Variants in DMXL1 observed in about 807,000 individuals in gnomAD.
DMXL1 encodes the protein Dmx like 1.
A neutral mutation model predicts 319.2 loss-of-function variants in DMXL1; 99 were observed. That is an observed-to-expected ratio of 0.31 (90% confidence interval 0.26 to 0.37). DMXL1 has a LOEUF of 0.37. DMXL1 is among the 10% of genes least tolerant of loss of function. The pLI is 1.00. For synonymous variants in DMXL1, 1,385 were observed against 1,235.2 expected, an observed-to-expected ratio of 1.12 and a Z score of -2.54; for missense variants, 3,745 against 3,595.6, an observed-to-expected ratio of 1.04 and a Z score of -1.06.
rs1217301767 is a variant in DMXL1 at position 119,170,249 on chromosome 5, C to T, written c.5458C>T (p.His1820Tyr). The T allele has an allele frequency of 6.2e-7, 1 of 1,613,106 alleles. No homozygotes were observed. The highest frequency in any genetic ancestry group is 1.7e-5 in the Admixed American group (1 of 59,908). ...TAATTTCTACAATTATCTAAGAACACATCCTCTTTTGCTGAGACGTCATTT... is the reference window on the plus strand; with the variant it reads ...TAATTTCTACAATTATCTAAGAACATATCCTCTTTTGCTGAGACGTCATTT... ...VFNFYNYLRTHPLLLRRHFGS... is the reference protein window; with the variant it reads ...VFNFYNYLRTYPLLLRRHFGS... Residue 1820 changes from histidine to tyrosine, a missense_variant, in exon 24 of 44, where the codon CAT becomes TAT. Transcript: ENST00000539542.
Position 119,134,134 on chromosome 5 carries a change from C to G in DMXL1, c.2210C>G (p.Ser737Cys), listed in dbSNP as rs1193279321. The G allele has an allele frequency of 1.2e-6, 2 of 1,613,832 alleles. No individual in the cohort carries two copies. The highest frequency in any genetic ancestry group is 2.7e-5 in the African/African-American group (2 of 74,906). The change falls in exon 12 of 44, where the codon TCC (serine) becomes TGC (cysteine). Residue 737 changes from serine to cysteine, a missense_variant. Ser to Cys is a moderately radical substitution (Grantham distance 112). This residue lies in a region of DMXL1 where 2,096 missense variants were observed against 1,985.4 expected (regional missense o/e 1.06). Transcript: ENST00000539542. ...AATTCTCTTCATGTTTCTGCCTTTT[C>G]CAATGTGGCATGGCTGCCCACTCTT... is the stretch of plus-strand genomic sequence containing the variant. ...RINSLHVSAFSNVAWLPTLIP... is the reference protein window; with the variant it reads ...RINSLHVSAFCNVAWLPTLIP...
Position 119,210,757 on chromosome 5 carries a change from G to GTTTTTTTTTT in DMXL1, c.7926+3871_7926+3880dup. Among the ~76,000 whole-genome samples the GTTTTTTTTTT allele has an allele frequency of 4.5e-5, 4 of 89,778 alleles. 1 individual carries two copies. The highest frequency in any genetic ancestry group is 8.2e-5 in the African/African-American group (2 of 24,424). The allele number at this position is 89,778 out of a possible 152,430, so 58.9% of individuals were successfully genotyped here. A position where few individuals can be genotyped will look rare whatever the true frequency, so the allele number is the denominator to read the frequency against. On this transcript the variant is annotated intron_variant, in intron 34 of 43. Coordinates refer to ENST00000539542, the MANE Select transcript of DMXL1 (RefSeq NM_001290321.3). ...TAAGTTCTTTTTTCTTTTTTCTTTCGTTTTTTTTTTTTTTTTTTTGCCTTA... is the reference window on the plus strand; with the variant it reads ...TAAGTTCTTTTTTCTTTTTTCTTTCGTTTTTTTTTTTTTTTTTTTTTTTTTTTTTGCCTTA...
At chr5:119,109,019 T>C (rs943212620) in intron 4 of DMXL1, among the ~76,000 whole-genome samples, 18 of 151,910 alleles carry the variant, frequency 1.2e-4, no homozygotes, top group African/African-American at 4.4e-4. Context: ...CAGGTTAATC[T>C]TGGACTCCCG....
Position 119,143,837 on chromosome 5 carries a change from A to G in DMXL1, c.2377-4A>G. On this transcript the variant is annotated splice_region_variant and splice_polypyrimidine_tract_variant and intron_variant, in intron 13 of 43. Coordinates refer to ENST00000539542, the MANE Select transcript of DMXL1 (RefSeq NM_001290321.3). The stretch of plus-strand genomic sequence containing the variant: ...TAAATTATAAATTTTTTTAAAAAAA[A>G]CAGAAATATGTTGGTGAAGTCTTTA... 6.4e-7 allele frequency: 1 copy of G among 1,555,554 alleles called. No individual in the cohort carries two copies. The highest frequency in any genetic ancestry group is 8.7e-7 in the Non-Finnish European group (1 of 1,154,500).
chr5:119,200,307 C>T (rs1780465854), intron 32 of DMXL1, among the ~76,000 whole-genome samples: 1 of 152,044 alleles, frequency 6.6e-6, no homozygotes, highest in Non-Finnish European at 1.5e-5. Flanking sequence ...GCCGGTTATC[C>T]CAGCACCATT....
chr5:119,177,876 G>A (rs1776101946), intron 27 of DMXL1, 120 bp from the exon 28 acceptor site: 3 of 878,206 alleles, frequency 3.4e-6, no homozygotes, highest in African/African-American at 3.4e-5. Context: ...ATCTAGGGAA[G>A]AAAATACAGT....
intron 10 of DMXL1, chr5:119,132,719 A>T: frequency 2.0e-6 from 1 of 503,822 alleles, no homozygotes; most frequent in Non-Finnish European, 4.0e-6. Flanking sequence ...TGGGTTGACA[A>T]TTAGTCCTAT....
intron 11 of DMXL1, 31 bp from the exon 12 acceptor site, chr5:119,133,463 T>C (rs749706931): frequency 1.3e-6 from 2 of 1,577,484 alleles, no homozygotes; most frequent in East Asian, 4.5e-5. Context: ...TATAATTTTA[T>C]ATGTTCTAAC....
At chr5:119,138,259 A>G (rs926800150) in intron 13 of DMXL1, among the ~76,000 whole-genome samples, 1 of 152,244 alleles carries the variant, frequency 6.6e-6, no homozygotes, top group Non-Finnish European at 1.5e-5. Flanking sequence ...TGAGAAAAAA[A>G]GAGGACTCCC....
intron 1 of DMXL1, among the ~76,000 whole-genome samples, chr5:119,085,961 G>C (rs193137983): frequency 6.6e-6 from 1 of 152,004 alleles, no homozygotes; most frequent in Non-Finnish European, 1.5e-5. Context: ...TTTGTTCTTG[G>C]TTCTGTTAAG....
intron 32 of DMXL1, among the ~76,000 whole-genome samples, chr5:119,202,781 G>A (rs914276779): frequency 3.3e-5 from 5 of 150,400 alleles, no homozygotes; most frequent in Non-Finnish European, 5.9e-5. Context: ...AACCCAGGAG[G>A]TGGAGGTTGC....
intron 30 of DMXL1, among the ~76,000 whole-genome samples, chr5:119,194,412 T>C (rs536052486): frequency 1.3e-5 from 2 of 152,384 alleles, no homozygotes; most frequent in Non-Finnish European, 2.9e-5. Context: ...GTACTCTGTA[T>C]GTCATACACA....
At chr5:119,200,545 C>T (rs867876491) in intron 32 of DMXL1, among the ~76,000 whole-genome samples, 13 of 152,070 alleles carry the variant, frequency 8.5e-5, no homozygotes, top group African/African-American at 3.1e-4. Flanking sequence ...GATCGCCTTG[C>T]TATTCAGGCT....
intron 25 of DMXL1, among the ~76,000 whole-genome samples, chr5:119,173,926 G>C (rs1160703780): frequency 2.7e-5 from 4 of 150,458 alleles, no homozygotes; most frequent in Non-Finnish European, 5.9e-5. Flanking sequence ...AAATCAGAAG[G>C]CCTGAGAACC....
At chr5:119,112,661 T>C (rs896258931) in intron 5 of DMXL1, among the ~76,000 whole-genome samples, 4 of 152,060 alleles carry the variant, frequency 2.6e-5, no homozygotes, top group Non-Finnish European at 5.9e-5. Context: ...AATAATTCTT[T>C]AGAAAGAGCT....
intron 19 of DMXL1, among the ~76,000 whole-genome samples, chr5:119,160,971 C>G (rs1427486732): frequency 2.6e-5 from 4 of 152,140 alleles, no homozygotes; most frequent in Non-Finnish European, 5.9e-5. Context: ...TTTCATAGAT[C>G]TGTTTCCTTT....
chr5:119,235,392 G>C (rs969478455), intron 39 of DMXL1, among the ~76,000 whole-genome samples: 2 of 152,064 alleles, frequency 1.3e-5, no homozygotes, highest in African/African-American at 4.8e-5. Flanking sequence ...CCAAAAATGT[G>C]GTCAGTGGGG....
chr5:119,234,799 A>G (rs1306030872), intron 39 of DMXL1, among the ~76,000 whole-genome samples: 5 of 152,154 alleles, frequency 3.3e-5, no homozygotes, highest in Non-Finnish European at 7.4e-5. Flanking sequence ...ATAACAAAAA[A>G]CATAGCTACA....
At position 119,151,748 on chromosome 5, in the gene DMXL1, C is replaced by A. The variant is rs371656411; in HGVS notation, c.4595-181C>A. On this transcript the variant is annotated intron_variant, in intron 18 of 43. Coordinates refer to ENST00000539542, the MANE Select transcript of DMXL1 (RefSeq NM_001290321.3). ...CTCTTTATTCTCTTTATTATTTTTCCAATTGTTTATACTATTTTTTCTGTA... is the reference window on the plus strand; with the variant it reads ...CTCTTTATTCTCTTTATTATTTTTCAAATTGTTTATACTATTTTTTCTGTA... Among the ~76,000 whole-genome samples the A allele has an allele frequency of 1.3e-4, 19 of 151,976 alleles. No homozygotes were observed. In the South Asian group the frequency reaches 4.0e-3, roughly 32 times the overall value.
Sources: allele counts gnomAD v4.1 joint callset (sites outside exome capture counted in the v4.1 genomes callset), GRCh38; gene constraint gnomAD v4.1.1; regional missense constraint gnomAD v4.1.1; transcripts MANE v1.5; gene names NCBI Gene and HGNC (gene_info 2026-07-23, HGNC 2026-07-21).